GREB1: variants seen among roughly 807,000 people sequenced by gnomAD.
GREB1 encodes the protein protein GREB1.
Under a neutral mutation model 200.7 loss-of-function variants are expected in GREB1, and 106 were observed. The observed-to-expected ratio is 0.53, with a 90% CI of 0.45 to 0.62. The LOEUF is 0.62. Among genes scored for constraint, GREB1 ranks in the 20% least tolerant of loss-of-function variants. The probability of loss-of-function intolerance (pLI) is 0.00; values close to 1 mark genes in which losing one functional copy is unlikely to be tolerated. For missense variants in GREB1, 2,243 were observed against 2,556.8 expected, an observed-to-expected ratio of 0.88 and a Z score of 2.65; for synonymous variants, 1,132 against 1,092.4, an observed-to-expected ratio of 1.04 and a Z score of -0.72.
At chr2:11,519,448 G>GTTTT (rs1558497818) in intron 1 of GREB1, among the ~76,000 whole-genome samples, 17 of 90,162 alleles carry the variant, frequency 1.9e-4, no homozygotes, top group African/African-American at 9.0e-4. Context: ...TACTTGTTTT[G>GTTTT]GTTTTTTTTT....
intron 2 of GREB1, among the ~76,000 whole-genome samples, chr2:11,559,850 C>T (rs1175966342): frequency 6.6e-6 from 1 of 152,168 alleles, no homozygotes; most frequent in Non-Finnish European, 1.5e-5. Flanking sequence ...TCTGGGTAAT[C>T]TCTTCACACC....
intron 1 of GREB1, among the ~76,000 whole-genome samples, chr2:11,512,638 C>T (rs1031393392): frequency 6.6e-6 from 1 of 152,180 alleles, no homozygotes; most frequent in Non-Finnish European, 1.5e-5. Context: ...GGGCTGTGTG[C>T]TCCACACCCC....
chr2:11,610,489 G>GA (rs1682818627), intron 17 of GREB1, among the ~76,000 whole-genome samples, 199 bp from the exon 18 acceptor site: 1 of 152,186 alleles, frequency 6.6e-6, no homozygotes. Context: ...TTTCCAGCTG[G>GA]AAAAAACAAA....
chr2:11,500,650 TACC>T (rs1209591538), intron 1 of GREB1, among the ~76,000 whole-genome samples: 4 of 152,228 alleles, frequency 2.6e-5, no homozygotes, highest in African/African-American at 9.6e-5. Flanking sequence ...CAAATAAAAT[TACC>T]TACTTGATTT....
chr2:11,484,877 G>A (rs1418286359), intron 1 of GREB1, among the ~76,000 whole-genome samples: 3 of 152,206 alleles, frequency 2.0e-5, no homozygotes, highest in African/African-American at 7.2e-5. Flanking sequence ...ACGGAGTCTC[G>A]CTCTTTCGCC....
rs1474777639 is a variant in GREB1 at position 11,484,963 on chromosome 2, CT to C, written c.-159+2583del. Among the ~76,000 whole-genome samples, 5 of 152,334 alleles carry C rather than the reference CT, an allele frequency of 3.3e-5. No individual in the cohort carries two copies. In the East Asian group the frequency reaches 9.7e-4, roughly 29 times the overall value. On this transcript the variant is annotated intron_variant, in intron 1 of 2. Transcript: ENST00000628795. Reference sequence around the variant, plus strand: ...CGGGTTCACGCCATTCTCCTGCTTCCTGAGTAGCTGGGACTACAGGCGCCCG... The same window carrying C: ...CGGGTTCACGCCATTCTCCTGCTTCCGAGTAGCTGGGACTACAGGCGCCCG...
rs2148226439 is a variant in GREB1, at chr2:11,598,789, G to A, written c.2262G>A (p.Leu754=). The change falls in exon 15 of 33, where the codon CTG becomes CTA. Residue 754 remains leucine (L), a synonymous_variant. Transcript: ENST00000381486. ...CACAGACAAAATTTAAGGCTTTTCT[G>A]CAAAACTCCTTCCAGAACCCGCATA... is the stretch of plus-strand genomic sequence containing the variant. ...TEAQTKFKAF[L]QNSFQNPHTL... 1 of 1,614,174 alleles carries A rather than the reference G, an allele frequency of 6.2e-7. No homozygotes were observed. The highest frequency in any genetic ancestry group is 2.2e-5 in the East Asian group (1 of 44,886).
intron 32 of GREB1, among the ~76,000 whole-genome samples, chr2:11,639,962 G>A (rs187724456): frequency 3.3e-5 from 5 of 152,162 alleles, no homozygotes; most frequent in Non-Finnish European, 7.4e-5. Flanking sequence ...AGGTAGGGTG[G>A]GGTATGTGAG....
chr2:11,515,390 C>T (rs1673464439), intron 1 of GREB1, among the ~76,000 whole-genome samples: 1 of 152,248 alleles, frequency 6.6e-6, no homozygotes, highest in Admixed American at 6.5e-5. Context: ...TCATTAACTG[C>T]AAGCCTGAGG....
In GREB1 at chr2:11,640,231, C is replaced by A; in HGVS notation, c.5687-60C>A. The A allele has an allele frequency of 6.6e-7, 1 of 1,526,104 alleles. No individual in the cohort carries two copies. 94.5% of individuals were successfully genotyped at this position (1,526,104 alleles called of 1,614,324 possible). ...TCATTGCAAGTAGAATCCGGGCAGC[C>A]GCTTTCCTCTGGATAAACTCACCTT... On this transcript the variant is annotated intron_variant, in intron 32 of 32. Transcript: ENST00000381486. This position sits in a 1 kb window ranked among gnomAD's most constrained non-coding sequence, Gnocchi z 4.6.
intron 20 of GREB1, 142 bp downstream of exon 20, chr2:11,615,432 T>C (rs1683323194): frequency 6.1e-6 from 4 of 659,304 alleles, no homozygotes; most frequent in Non-Finnish European, 1.0e-5. Flanking sequence ...ACAGCGGCTC[T>C]GGATGAGAGG....
intron 23 of GREB1, 29 bp downstream of exon 23, chr2:11,621,036 C>A: frequency 8.3e-7 from 1 of 1,208,080 alleles, no homozygotes; most frequent in Non-Finnish European, 1.2e-6. Context: ...GTTATGTGGG[C>A]TTGGAGCCAC....
At chr2:11,540,935 C>T (rs2148521164) in intron 1 of GREB1, among the ~76,000 whole-genome samples, 1 of 152,340 alleles carries the variant, frequency 6.6e-6, no homozygotes, top group Non-Finnish European at 1.5e-5. Context: ...TTGCTTTTTT[C>T]AAGTCTTGTT....
intron 17 of GREB1, among the ~76,000 whole-genome samples, chr2:11,608,189 G>A (rs527774933): frequency 1.4e-4 from 21 of 152,278 alleles, no homozygotes; most frequent in African/African-American, 5.1e-4. Flanking sequence ...AGAATTCAGG[G>A]TCTAGTTTAT....
At chr2:11,619,267 G>A (rs143813181) in intron 22 of GREB1, among the ~76,000 whole-genome samples, 1,558 of 152,270 alleles carry the variant, frequency 0.01, 16 homozygotes, top group African/African-American at 0.035. Context: ...GGAAGGTTTC[G>A]GTGAACCATG....
chr2:11,608,494 A>G (rs1682616129), intron 17 of GREB1, among the ~76,000 whole-genome samples: 1 of 152,196 alleles, frequency 6.6e-6, no homozygotes, highest in Non-Finnish European at 1.5e-5. Context: ...TGGGTGCTAG[A>G]TATATTTGTA....
At position 11,595,363 on chromosome 2, in the gene GREB1, T is replaced by C. The variant is rs756081000; in HGVS notation, c.1809T>C (p.Phe603=). Residue 603 remains phenylalanine (F), a synonymous_variant, in exon 12 of 33, where the codon TTT becomes TTC. Coordinates refer to ENST00000381486, the MANE Select transcript of GREB1 (RefSeq NM_014668.4). ...AGGTAGACTCGCTGGGGGCCTTCTTTAGCACCCTCTGTCCAGGTAGGCTTG... is the reference window on the plus strand; with the variant it reads ...AGGTAGACTCGCTGGGGGCCTTCTTCAGCACCCTCTGTCCAGGTAGGCTTG... ...TGKVDSLGAF[F]STLCPEGDID... 7 of 1,613,724 alleles carry C rather than the reference T, an allele frequency of 4.3e-6. No individual in the cohort carries two copies. Among genetic ancestry groups the C allele is most frequent in the South Asian group, 2.2e-5 (2 of 91,058 alleles).
At chr2:11,488,791 C>CAAA (rs11288876) in intron 1 of GREB1, among the ~76,000 whole-genome samples, 1 of 82,756 alleles carries the variant, frequency 1.2e-5, no homozygotes, top group African/African-American at 4.4e-5. Flanking sequence ...AACTCCGTCT[C>CAAA]AAAAAAAAAA....
chr2:11,601,732 C>T (rs762123561), intron 16 of GREB1, among the ~76,000 whole-genome samples: 8 of 152,226 alleles, frequency 5.3e-5, no homozygotes, highest in Non-Finnish European at 1.2e-4. Context: ...CAAAGTGCTT[C>T]GTGCTGTGAG....
Sources: allele counts gnomAD v4.1 joint callset (sites outside exome capture counted in the v4.1 genomes callset), GRCh38; gene constraint gnomAD v4.1.1; non-coding constraint Gnocchi (gnomAD v3.1); transcripts MANE v1.5; gene names NCBI Gene and HGNC (gene_info 2026-07-23, HGNC 2026-07-21).